RNF125: variants seen among roughly 807,000 people sequenced by gnomAD.
RNF125 encodes the protein ring finger protein 125.
Under a neutral mutation model 26.0 loss-of-function variants are expected in RNF125, and 21 were observed. The ratio of observed to expected loss-of-function variants is 0.81; its 90% CI spans 0.57 to 1.16. RNF125 has a LOEUF of 1.16. Among genes scored for constraint, RNF125 ranks in the 50% most tolerant of loss-of-function variants. The pLI is 0.00. For missense variants in RNF125, 270 were observed against 299.4 expected, an observed-to-expected ratio of 0.90 and a Z score of 0.72; for synonymous variants, 95 against 109.2, an observed-to-expected ratio of 0.87 and a Z score of 0.81.
chr18:32,018,851 G>A lies in RNF125; in HGVS notation c.-13G>A, dbSNP rs199892874. ...CTGAGTGCTTCGCAGCTGTCTGGGC[G>A]AGAGGCACAGCGATGGGCTCCGTGC... On this transcript the variant is annotated 5_prime_UTR_variant, in exon 1 of 6. Coordinates refer to ENST00000217740, the MANE Select transcript of RNF125 (RefSeq NM_017831.4). The A allele has an allele frequency of 4.6e-5, 71 of 1,555,070 alleles. No individual in the cohort carries two copies. In the African/African-American group the frequency reaches 8.2e-4, roughly 18 times the overall value.
chr18:32,052,150 T>C (rs2039335291), intron 4 of RNF125, among the ~76,000 whole-genome samples: 1 of 151,980 alleles, frequency 6.6e-6, no homozygotes, highest in Admixed American at 6.6e-5. Context: ...GATGCGACAG[T>C]GGAGATCTAT....
intron 4 of RNF125, among the ~76,000 whole-genome samples, chr18:32,051,454 TA>T (rs935461946): frequency 2.0e-4 from 30 of 151,774 alleles, no homozygotes; most frequent in Non-Finnish European, 3.5e-4. Flanking sequence ...CCGTCTCTAC[TA>T]AAAATGCAAA....
chr18:32,031,042 C>T (rs2039088520), intron 1 of RNF125: 1 of 151,982 alleles, frequency 6.6e-6, no homozygotes, highest in Non-Finnish European at 1.5e-5. Flanking sequence ...ACAGTGGAGC[C>T]CTTATGACCT....
intron 4 of RNF125, among the ~76,000 whole-genome samples, chr18:32,061,394 G>A (rs2039433997): frequency 6.6e-6 from 1 of 152,158 alleles, no homozygotes. Flanking sequence ...TAGGGACCAA[G>A]GTAACAGACA....
the RNF125 span, among the ~76,000 whole-genome samples, chr18:32,086,324 T>C: frequency 0.18 from 26,719 of 148,852 alleles, 2,557 homozygotes; most frequent in African/African-American, 0.25. Context: ...GCTGGGACTA[T>C]AGGTGCACAC....
rs781690809 is a variant in RNF125 at position 32,037,141 on chromosome 18, A to G, written c.190A>G (p.Ser64Gly). ...ATTCTGCCGTTCCTGTATTGCTACCAGTCTAAAGAACAACAAGTGGACCTG... is the reference window on the plus strand; with the variant it reads ...ATTCTGCCGTTCCTGTATTGCTACCGGTCTAAAGAACAACAAGTGGACCTG... The part of the protein sequence containing the change: ...HVFCRSCIAT[S>G]LKNNKWTCPY... Residue 64 changes from serine to glycine, a missense_variant, in exon 2 of 6, where the codon AGT becomes GGT. Physicochemically the swap from Ser to Gly is moderately conservative, Grantham distance 56 (BLOSUM62 0). Coordinates refer to ENST00000217740, the MANE Select transcript of RNF125 (RefSeq NM_017831.4). The G allele has an allele frequency of 2.5e-6, 4 of 1,605,110 alleles. No individual in the cohort carries two copies. The Admixed American group carries it at 7.0e-5, about 28-fold the overall frequency.
At chr18:32,087,286 C>A in the RNF125 span, among the ~76,000 whole-genome samples, 1 of 150,026 alleles carries the variant, frequency 6.7e-6, no homozygotes, top group Non-Finnish European at 1.5e-5. Flanking sequence ...TTATAATACA[C>A]CAGTAATCAT....
chr18:32,056,557 G>A (rs961291778), intron 4 of RNF125, among the ~76,000 whole-genome samples: 3 of 149,124 alleles, frequency 2.0e-5, no homozygotes, highest in Non-Finnish European at 1.5e-5. Context: ...CAGAGATTGC[G>A]TTGCAGTGAG....
chr18:32,036,155 A>G (rs1233475163), intron 1 of RNF125, among the ~76,000 whole-genome samples: 1 of 14,072 alleles, frequency 7.1e-5, no homozygotes, highest in African/African-American at 4.9e-4. Flanking sequence ...ACTCCATCTC[A>G]AAAAAAAAAA....
the RNF125 span, among the ~76,000 whole-genome samples, chr18:32,082,339 C>CACAT: frequency 9.8e-3 from 1,483 of 152,084 alleles, 24 homozygotes; most frequent in African/African-American, 0.034. Context: ...CACACACACA[C>CACAT]ATATATATAC....
Position 32,073,175 on chromosome 18 carries a change from A to G in RNF125, c.*4791A>G, listed in dbSNP as rs1162258965. On this transcript the variant is annotated 3_prime_UTR_variant, in exon 6 of 6. Transcript: ENST00000217740. ...ATGATAAATAAAAAATGGCAGGACC[A>G]TTGTTTTTATTAAAATATCTACTGT... 4 of 152,176 alleles carry G rather than the reference A, an allele frequency of 2.6e-5. No individual in the cohort carries two copies. Among genetic ancestry groups the G allele is most frequent in the Admixed American group, 2.6e-4 (4 of 15,276 alleles). 9.4% of individuals were successfully genotyped at this position (152,176 alleles called of 1,614,324 possible).
chr18:32,031,513 G>A (rs376030010), intron 1 of RNF125, among the ~76,000 whole-genome samples: 53 of 125,222 alleles, frequency 4.2e-4, no homozygotes, highest in African/African-American at 1.2e-3. Context: ...AAAAAAAAAA[G>A]GGAAAACTGC....
chr18:32,047,015 C>T (rs1041035469), intron 4 of RNF125, among the ~76,000 whole-genome samples: 5 of 152,078 alleles, frequency 3.3e-5, no homozygotes, highest in South Asian at 4.2e-4. Flanking sequence ...ACTGTGGGCA[C>T]GTGCCACTAC....
intron 1 of RNF125, among the ~76,000 whole-genome samples, chr18:32,026,696 C>T (rs1396625498): frequency 6.6e-6 from 1 of 152,134 alleles, no homozygotes; most frequent in East Asian, 1.9e-4. Flanking sequence ...TCTCTCTGGC[C>T]CCGTAGAGGA....
intron 4 of RNF125, among the ~76,000 whole-genome samples, chr18:32,047,393 TC>T (rs1352061370): frequency 6.6e-6 from 1 of 152,202 alleles, no homozygotes; most frequent in African/African-American, 2.4e-5. Flanking sequence ...CTTAAACTTT[TC>T]CTTATATTGG....
intron 4 of RNF125, among the ~76,000 whole-genome samples, chr18:32,063,281 A>G (rs1018148922): frequency 3.3e-5 from 5 of 151,954 alleles, no homozygotes; most frequent in African/African-American, 1.2e-4. Context: ...TAAAAAAGTG[A>G]ACCTTTGTTA....
At position 32,018,986 on chromosome 18, in the gene RNF125, T is replaced by G. The variant is rs540525841; in HGVS notation, c.123T>G (p.Leu41=). The change falls in exon 1 of 6, where the codon CTT becomes CTG. Residue 41 remains leucine (L), a synonymous_variant. Coordinates refer to ENST00000217740, the MANE Select transcript of RNF125 (RefSeq NM_017831.4). ...CGTCCTTCGACTGCGCCGTGTGCCTTGAGGTGTTACACCAGCCTGTCCGGA... is the reference window on the plus strand; with the variant it reads ...CGTCCTTCGACTGCGCCGTGTGCCTGGAGGTGTTACACCAGCCTGTCCGGA... ...PVTSFDCAVC[L]EVLHQPVRTR... is the part of the protein sequence containing the mutation. The G allele has an allele frequency of 3.1e-6, 5 of 1,613,554 alleles. No individual in the cohort carries two copies. In the African/African-American group the frequency reaches 4.0e-5, roughly 13 times the overall value.
At chr18:32,045,242 C>T (rs1173088067) in intron 3 of RNF125, among the ~76,000 whole-genome samples, 2 of 152,024 alleles carry the variant, frequency 1.3e-5, no homozygotes, top group African/African-American at 2.4e-5. Flanking sequence ...GTCCACTGGG[C>T]ACTTGAAATG....
intron 4 of RNF125, among the ~76,000 whole-genome samples, chr18:32,048,479 A>G (rs1011412593): frequency 1.3e-5 from 2 of 152,150 alleles, no homozygotes; most frequent in South Asian, 2.1e-4. Context: ...AAAGAGAGAA[A>G]ATCCTCACAG....
Sources: allele counts gnomAD v4.1 joint callset (sites outside exome capture counted in the v4.1 genomes callset), GRCh38; gene constraint gnomAD v4.1.1; transcripts MANE v1.5; gene names NCBI Gene and HGNC (gene_info 2026-07-23, HGNC 2026-07-21).